Variants in ST3GAL3 observed in about 807,000 individuals in gnomAD.
The protein encoded by ST3GAL3 is ST3 beta-galactoside alpha-2,3-sialyltransferase 3.
ST3GAL3 carries 21 observed loss-of-function variants against 50.1 expected under a neutral mutation model. The observed-to-expected ratio is 0.42, with a 90% CI of 0.30 to 0.60. The LOEUF (loss-of-function observed/expected upper bound fraction) is 0.60, where lower values mean the gene tolerates loss of function less well. Among genes scored for constraint, ST3GAL3 ranks in the 20% least tolerant of loss-of-function variants. The pLI is 0.19. For missense variants in ST3GAL3, 353 were observed against 489.4 expected (o/e 0.72, Z 2.63); for synonymous variants, 183 against 190.0 (o/e 0.96, Z 0.30).
At chr1:43,757,291 G>C (rs956790066) in intron 2 of ST3GAL3, among the ~76,000 whole-genome samples, 1 of 151,968 alleles carries the variant, frequency 6.6e-6, no homozygotes, top group African/African-American at 2.4e-5. Context: ...TTTTTGCTTT[G>C]GTAGAAATTG....
intron 3 of ST3GAL3, among the ~76,000 whole-genome samples, chr1:43,810,521 T>C (rs1228773044): frequency 6.6e-6 from 1 of 152,182 alleles, no homozygotes; most frequent in Non-Finnish European, 1.5e-5. Context: ...GGAGATTTAC[T>C]AGCTCTTTAG....
At chr1:43,921,083 C>G (rs1272573768) in intron 11 of ST3GAL3, 155 bp downstream of exon 11, 1 of 888,744 alleles carries the variant, frequency 1.1e-6, no homozygotes, top group African/African-American at 1.7e-5. Context: ...CCACAGCCTC[C>G]CACTGAACCC....
intron 5 of ST3GAL3, among the ~76,000 whole-genome samples, chr1:43,888,871 T>C (rs2076322203): frequency 6.6e-6 from 1 of 152,190 alleles, no homozygotes. Context: ...TTTGGCAGTA[T>C]AGAGCAAAAT....
At chr1:43,813,895 GCACACACGCACACACACACACACACACA>G (rs2060898411) in intron 3 of ST3GAL3, among the ~76,000 whole-genome samples, 1 of 97,790 alleles carries the variant, frequency 1.0e-5, no homozygotes, top group African/African-American at 4.4e-5. Flanking sequence ...ACACACACAC[GCACACACGCACACACACACACACACACA>G]CACACACACA....
chr1:43,730,571 C>CTTTTT (rs11318191), intron 1 of ST3GAL3, among the ~76,000 whole-genome samples: 2 of 122,384 alleles, frequency 1.6e-5, no homozygotes, highest in Non-Finnish European at 1.7e-5. Context: ...TCTTTTCTTT[C>CTTTTT]TTTTTTTTTT....
At chr1:43,913,305 G>T (rs147284468) in intron 9 of ST3GAL3, 1 of 152,312 alleles carries the variant, frequency 6.6e-6, no homozygotes, top group Admixed American at 6.5e-5. Context: ...ACCAGACCCC[G>T]TGCCAGATGC....
chr1:43,712,476 G>A (rs1162656371), intron 1 of ST3GAL3, among the ~76,000 whole-genome samples: 1 of 152,176 alleles, frequency 6.6e-6, no homozygotes, highest in Non-Finnish European at 1.5e-5. Context: ...TCTGTGCTAG[G>A]TGGTGGCTTG....
chr1:43,757,455 T>C (rs1467283118), intron 2 of ST3GAL3, among the ~76,000 whole-genome samples: 2 of 152,154 alleles, frequency 1.3e-5, no homozygotes, highest in African/African-American at 4.8e-5. Flanking sequence ...GGTATAAAGA[T>C]AGATATATAG....
intron 9 of ST3GAL3, among the ~76,000 whole-genome samples, chr1:43,905,949 C>G (rs1161585912): frequency 1.1e-5 from 1 of 89,640 alleles, no homozygotes; most frequent in East Asian, 3.6e-4. Flanking sequence ...CCTCCTGCTC[C>G]TCTCCCACCA....
At chr1:43,851,403 C>T in intron 5 of ST3GAL3, 1 of 1,610,460 alleles carries the variant, frequency 6.2e-7, no homozygotes, top group East Asian at 2.2e-5. Flanking sequence ...GACGTTGACC[C>T]CCCAGCACTG....
At chr1:43,795,009 A>G (rs887127647) in intron 3 of ST3GAL3, among the ~76,000 whole-genome samples, 1 of 152,194 alleles carries the variant, frequency 6.6e-6, no homozygotes, top group Non-Finnish European at 1.5e-5. Context: ...GTGTGTTGAT[A>G]TATTATTTTT....
chr1:43,718,481 G>A (rs758922284), intron 1 of ST3GAL3, among the ~76,000 whole-genome samples: 6 of 151,048 alleles, frequency 4.0e-5, no homozygotes, highest in Admixed American at 6.6e-5. Context: ...GAGCCACTGC[G>A]CCTGTCTATC....
intron 9 of ST3GAL3, among the ~76,000 whole-genome samples, chr1:43,907,568 T>C (rs1445528090): frequency 6.6e-6 from 1 of 152,132 alleles, no homozygotes; most frequent in Non-Finnish European, 1.5e-5. Flanking sequence ...AAAATAAAGG[T>C]TGTCACCAGC....
intron 2 of ST3GAL3, among the ~76,000 whole-genome samples, chr1:43,752,489 A>G (rs1438547595): frequency 6.6e-6 from 1 of 151,998 alleles, no homozygotes; most frequent in African/African-American, 2.4e-5. Context: ...TTCCTCACTT[A>G]TTCCCTCACA....
At chr1:43,797,123 G>A (rs2058764238) in intron 3 of ST3GAL3, among the ~76,000 whole-genome samples, 1 of 152,162 alleles carries the variant, frequency 6.6e-6, no homozygotes, top group African/African-American at 2.4e-5. Context: ...AGGAATTCAA[G>A]GCTGCAGTTA....
At chr1:43,902,028 C>T (rs1239042638) in intron 9 of ST3GAL3, among the ~76,000 whole-genome samples, 2 of 152,236 alleles carry the variant, frequency 1.3e-5, no homozygotes, top group East Asian at 1.9e-4. Flanking sequence ...CCACCCCAAG[C>T]CCAAGGCTAA....
chr1:43,879,119 A>G (rs940445261), intron 5 of ST3GAL3: 1 of 450,264 alleles, frequency 2.2e-6, no homozygotes, highest in Non-Finnish European at 4.4e-6. Flanking sequence ...TGAGGAGGTG[A>G]CATTTCAACA....
chr1:43,776,950 T>C (rs192059173), intron 2 of ST3GAL3, among the ~76,000 whole-genome samples: 6 of 152,318 alleles, frequency 3.9e-5, no homozygotes, highest in Admixed American at 1.3e-4. Flanking sequence ...AATGGTATGG[T>C]ACCATGCTCT....
intron 5 of ST3GAL3, among the ~76,000 whole-genome samples, chr1:43,860,506 G>A (rs182923248): frequency 8.5e-5 from 13 of 152,368 alleles, no homozygotes; most frequent in African/African-American, 3.1e-4. Flanking sequence ...AAGGAAAGCT[G>A]TTGGCAAAGG....
Sources: gnomAD v4.1 joint callset for allele counts (sites outside exome capture counted in the v4.1 genomes callset) on GRCh38, gnomAD v4.1.1 for gene constraint, MANE v1.5 for transcripts, NCBI Gene and HGNC (gene_info 2026-07-23, HGNC 2026-07-21) for gene names.